The following ADAMTSL1 variants were observed in gnomAD, a reference collection of about 807,000 sequenced individuals.
The protein encoded by ADAMTSL1 is ADAMTS-like protein 1.
In ADAMTSL1, 126 loss-of-function variants were observed where a neutral mutation model predicts 201.8. The observed-to-expected ratio is 0.62, with a 90% CI of 0.54 to 0.72. The LOEUF is 0.72. Among genes scored for constraint, ADAMTSL1 ranks in the 30% least tolerant of loss-of-function variants. The pLI is 0.00. For synonymous variants in ADAMTSL1, 1,121 were observed against 903.4 expected (o/e 1.24, Z -4.32); for missense variants, 2,679 against 2,277.8 (o/e 1.18, Z -3.59).
At chr9:18,601,046 A>T (rs1237819287) in intron 4 of ADAMTSL1, among the ~76,000 whole-genome samples, 2 of 152,102 alleles carry the variant, frequency 1.3e-5, no homozygotes, top group African/African-American at 4.8e-5. Context: ...ATTTCTCAAA[A>T]CCTTAAACTA....
At chr9:18,875,758 T>C (rs932704231) in intron 23 of ADAMTSL1, among the ~76,000 whole-genome samples, 3 of 152,340 alleles carry the variant, frequency 2.0e-5, no homozygotes, top group Admixed American at 6.5e-5. Flanking sequence ...AAATATCTGT[T>C]AAATCCATTT....
intron 4 of ADAMTSL1, among the ~76,000 whole-genome samples, chr9:18,616,386 A>T (rs892192845): frequency 6.6e-6 from 1 of 152,158 alleles, no homozygotes; most frequent in African/African-American, 2.4e-5. Flanking sequence ...TATTAGAGCC[A>T]CCTCTTTGAA....
intron 7 of ADAMTSL1, chr9:18,651,070 G>A (rs963737728): frequency 1.3e-5 from 2 of 152,196 alleles, no homozygotes; most frequent in African/African-American, 2.4e-5. Flanking sequence ...CTGCTTTGCT[G>A]AAGATGGTGA....
In ADAMTSL1 at chr9:18,639,490, T is replaced by A. The variant is rs1013469531; in HGVS notation, c.834+79T>A. On this transcript the variant is annotated intron_variant, in intron 7 of 28. Coordinates refer to ENST00000380548, the MANE Select transcript of ADAMTSL1 (RefSeq NM_001040272.6). ...TATAATTTCCTGAGCAGAGAGCGAT[T>A]TTTGGTTCTGACATATGTTTGGAAA... is the stretch of plus-strand genomic sequence containing the variant. The A allele has an allele frequency of 2.0e-6, 3 of 1,528,302 alleles. No homozygotes were observed. In the African/African-American group the frequency reaches 4.2e-5, roughly 21 times the overall value. The allele number at this position is 1,528,302 out of a possible 1,614,324, so 94.7% of individuals were successfully genotyped here.
intron 7 of ADAMTSL1, among the ~76,000 whole-genome samples, chr9:18,646,812 TG>T (rs1480135131): frequency 1.6e-4 from 24 of 152,250 alleles, no homozygotes; most frequent in Admixed American, 6.5e-4. Context: ...TGAGGATTTT[TG>T]CATCAATGTT....
chr9:18,292,552 C>T (rs887361948), intron 2 of ADAMTSL1, among the ~76,000 whole-genome samples: 102 of 152,086 alleles, frequency 6.7e-4, no homozygotes, highest in African/African-American at 2.3e-3. Flanking sequence ...CCTCCCTCAG[C>T]CTGGGTGGGC....
At chr9:18,020,538 A>C (rs902357321) in intron 1 of ADAMTSL1, among the ~76,000 whole-genome samples, 10 of 152,094 alleles carry the variant, frequency 6.6e-5, no homozygotes, top group African/African-American at 2.4e-4. Context: ...CAGTGTGTGC[A>C]AAAATGAGGA....
At chr9:18,873,605 C>T (rs763042904) in intron 23 of ADAMTSL1, among the ~76,000 whole-genome samples, 11 of 152,096 alleles carry the variant, frequency 7.2e-5, no homozygotes, top group Admixed American at 2.6e-4. Context: ...GATCAGTTGG[C>T]TGTAAGTATT....
chr9:17,978,750 A>T, intron 1 of ADAMTSL1, among the ~76,000 whole-genome samples: 1 of 152,094 alleles, frequency 6.6e-6, no homozygotes, highest in Non-Finnish European at 1.5e-5. Context: ...ATTTTTCTAA[A>T]TACTTACCTT....
At chr9:17,922,080 G>A (rs930672900) in intron 1 of ADAMTSL1, among the ~76,000 whole-genome samples, 11 of 94,968 alleles carry the variant, frequency 1.2e-4, no homozygotes, top group African/African-American at 4.2e-4. Context: ...TGTGATTGCA[G>A]TTCAGGCTTT....
intron 2 of ADAMTSL1, among the ~76,000 whole-genome samples, chr9:18,227,984 T>C (rs936096105): frequency 7.2e-5 from 11 of 152,176 alleles, no homozygotes; most frequent in African/African-American, 2.7e-4. Flanking sequence ...CACTTTACCA[T>C]AGAAGCATAC....
intron 2 of ADAMTSL1, among the ~76,000 whole-genome samples, chr9:18,421,556 G>A (rs1818949733): frequency 2.0e-5 from 3 of 152,168 alleles, no homozygotes; most frequent in Admixed American, 2.0e-4. Flanking sequence ...CTTCCCATGT[G>A]CTGGCTGTTG....
At chr9:18,685,643 A>G (rs1166248601) in intron 13 of ADAMTSL1, among the ~76,000 whole-genome samples, 1 of 152,220 alleles carries the variant, frequency 6.6e-6, no homozygotes, top group Admixed American at 6.5e-5. Flanking sequence ...AAGAGTTAAT[A>G]GTGGAGCATG....
chr9:18,530,418 A>G (rs1819372099), intron 2 of ADAMTSL1, among the ~76,000 whole-genome samples: 2 of 152,148 alleles, frequency 1.3e-5, no homozygotes, highest in South Asian at 4.1e-4. Flanking sequence ...TTTTAAAAGC[A>G]AAATCTCACC....
At position 18,474,248 on chromosome 9, in the gene ADAMTSL1, C is replaced by A; in HGVS notation, c.16C>A (p.Arg6=). 1 of 1,614,146 alleles carries A rather than the reference C, an allele frequency of 6.2e-7. No individual in the cohort carries two copies. Among genetic ancestry groups the A allele is most frequent in the South Asian group, 1.1e-5 (1 of 91,082 alleles). Residue 6 remains arginine, a synonymous_variant, in exon 1 of 29, where the codon CGG becomes AGG. Coordinates refer to ENST00000380548, the MANE Select transcript of ADAMTSL1 (RefSeq NM_001040272.6). ...GGATCCAAGCATGGAATGCTGCCGT[C>A]GGGCAACTCCTGGCACACTGCTCCT... MECCR[R]ATPGTLLLFL... is the part of the protein sequence containing the mutation.
At chr9:18,866,816 G>T (rs904295083) in intron 23 of ADAMTSL1, among the ~76,000 whole-genome samples, 3 of 152,186 alleles carry the variant, frequency 2.0e-5, no homozygotes, top group African/African-American at 7.2e-5. Flanking sequence ...TTCCATGCCT[G>T]GTCTGACACC....
At chr9:18,854,372 AGGTATGGTTTTC>A (rs1468968652) in intron 23 of ADAMTSL1, among the ~76,000 whole-genome samples, 4 of 152,144 alleles carry the variant, frequency 2.6e-5, no homozygotes, top group African/African-American at 9.7e-5. Context: ...AAAAAGAGAA[AGGTATGGTTTTC>A]TTTGGGGCAC....
Position 18,217,034 on chromosome 9 carries a change from A to G in ADAMTSL1, c.207+53053A>G, listed in dbSNP as rs568128330. Reference sequence around the variant, plus strand: ...GGAAGACAAATGAGGGGTCAAGTAGAGAATAAAGGACATGAGCTTTAAATA... The same window carrying G: ...GGAAGACAAATGAGGGGTCAAGTAGGGAATAAAGGACATGAGCTTTAAATA... On this transcript the variant is annotated intron_variant, in intron 2 of 29. Coordinates refer to the ADAMTSL1 transcript ENST00000680146. 7.2e-5 allele frequency among the ~76,000 whole-genome samples: 11 copies of G among 152,192 alleles called. No individual in the cohort carries two copies. The East Asian group carries it at 2.1e-3, about 30-fold the overall frequency.
chr9:18,325,334 A>G (rs983871716), intron 2 of ADAMTSL1, among the ~76,000 whole-genome samples: 4 of 152,220 alleles, frequency 2.6e-5, no homozygotes, highest in African/African-American at 9.6e-5. Flanking sequence ...TGTTGGAATC[A>G]CCCCAAAAGT....
Sources: allele counts gnomAD v4.1 joint callset (sites outside exome capture counted in the v4.1 genomes callset), GRCh38; gene constraint gnomAD v4.1.1; transcripts MANE v1.5; gene names NCBI Gene and HGNC (gene_info 2026-07-23, HGNC 2026-07-21).